The following RPS6KA5 variants were observed in gnomAD, a reference collection of about 807,000 sequenced individuals.
The protein encoded by RPS6KA5 is ribosomal protein S6 kinase alpha-5.
In RPS6KA5, 27 loss-of-function variants were observed where a neutral mutation model predicts 85.5. The ratio of observed to expected loss-of-function variants is 0.32; its 90% confidence interval spans 0.23 to 0.44. The LOEUF (loss-of-function observed/expected upper bound fraction) is 0.44. Among genes scored for constraint, RPS6KA5 ranks in the 20% least tolerant of loss-of-function variants. The probability of loss-of-function intolerance (pLI) is 1.00; values close to 1 mark genes in which losing one functional copy is unlikely to be tolerated. For missense variants in RPS6KA5, 811 were observed against 980.9 expected (o/e 0.83, Z 2.31); for synonymous variants, 334 against 348.2 (o/e 0.96, Z 0.46).
intron 1 of RPS6KA5, among the ~76,000 whole-genome samples, chr14:91,045,350 T>C (rs1055872535): frequency 6.6e-6 from 1 of 151,240 alleles, no homozygotes; most frequent in African/African-American, 2.4e-5. Flanking sequence ...CTGCAACCTC[T>C]GTGTCCCAGG....
intron 3 of RPS6KA5, among the ~76,000 whole-genome samples, chr14:90,967,088 C>A (rs1156537169): frequency 6.6e-6 from 1 of 152,180 alleles, no homozygotes; most frequent in East Asian, 1.9e-4. Flanking sequence ...AGCTGTCAGG[C>A]AAATTTCATT....
Position 90,984,932 on chromosome 14 carries a change from G to A in RPS6KA5, c.176-6408C>T, listed in dbSNP as rs145443257. ...TTGAATTTATTAAACATGTTCATAAGTAGCCTTTAATCTTTTTTTTTTTTT... is the reference window on the plus strand; with the variant it reads ...TTGAATTTATTAAACATGTTCATAAATAGCCTTTAATCTTTTTTTTTTTTT... On this transcript the variant is annotated intron_variant, in intron 2 of 16. Transcript: ENST00000614987. Among the ~76,000 whole-genome samples the A allele has an allele frequency of 4.0e-4, 61 of 152,000 alleles. No individual in the cohort carries two copies. In the East Asian group the frequency reaches 0.01, roughly 25 times the overall value.
chr14:91,041,144 T>C (rs754476490), intron 1 of RPS6KA5, among the ~76,000 whole-genome samples: 8 of 152,106 alleles, frequency 5.3e-5, no homozygotes, highest in Non-Finnish European at 1.2e-4. Flanking sequence ...GAGAACAACA[T>C]GGAGTAAAGT....
intron 1 of RPS6KA5, among the ~76,000 whole-genome samples, chr14:91,017,827 T>A (rs2041569553): frequency 6.6e-6 from 1 of 152,132 alleles, no homozygotes; most frequent in African/African-American, 2.4e-5. Context: ...CAACAATGAT[T>A]CCACTGAACT....
At position 90,852,013 on chromosome 14, in the gene RPS6KA5, C is replaced by G. The variant is rs925303220; in HGVS notation, c.*20061G>C. 6.6e-6 allele frequency: 1 copy of G among 150,820 alleles called. No homozygotes were observed. Among genetic ancestry groups the G allele is most frequent in the African/African-American group, 2.4e-5 (1 of 41,056 alleles). The allele number at this position is 150,820 out of a possible 1,614,324, so 9.3% of individuals were successfully genotyped here. On this transcript the variant is annotated 3_prime_UTR_variant, in exon 17 of 17. Transcript: ENST00000614987. ...TAAACAGTATTATTCAGTAATAGTC[C>G]TAGTATATAAAAACGTGGCATTCAT... is the stretch of plus-strand genomic sequence containing the variant.
In RPS6KA5 at chr14:90,850,463, C is replaced by CAAAAA. The variant is rs5810522; in HGVS notation, c.*21606_*21610dup. On this transcript the variant is annotated 3_prime_UTR_variant, in exon 17 of 17. Transcript: ENST00000614987. Reference sequence around the variant, plus strand: ...AACCTAATCAATGTGGGAAACCATACAAAAAAAAAAAAAAAAAACAGAAAA... The same window carrying CAAAAA: ...AACCTAATCAATGTGGGAAACCATACAAAAAAAAAAAAAAAAAAAAAAACAGAAAA... 7.8e-5 allele frequency: 10 copies of CAAAAA among 129,032 alleles called. No individual in the cohort carries two copies. Among genetic ancestry groups the CAAAAA allele is most frequent in the East Asian group, 2.4e-4 (1 of 4,242 alleles). The allele number at this position is 129,032 out of a possible 1,614,324, so 8.0% of individuals were successfully genotyped here.
chr14:90,872,446 A>C, intron 16 of RPS6KA5, 124 bp from the exon 17 acceptor site: 1 of 1,241,188 alleles, frequency 8.1e-7, no homozygotes, highest in East Asian at 2.5e-5. Flanking sequence ...TTTTAAGGGA[A>C]CAAAGCTCTT....
In RPS6KA5 at chr14:90,868,159, T is replaced by C. The variant is rs1193289184; in HGVS notation, c.*3915A>G. ...ACAAAACAGGGAATAAAACCTTTAA[T>C]GTTGGCTGTAGCAGTTATTTTCTTT... On this transcript the variant is annotated 3_prime_UTR_variant, in exon 17 of 17. Transcript: ENST00000614987. 1 of 152,232 alleles carries C rather than the reference T, an allele frequency of 6.6e-6. No individual in the cohort carries two copies. Among genetic ancestry groups the C allele is most frequent in the Non-Finnish European group, 1.5e-5 (1 of 68,036 alleles). The allele number at this position is 152,232 out of a possible 1,614,324, so 9.4% of individuals were successfully genotyped here. A position where few individuals can be genotyped will look rare whatever the true frequency, so the allele number is the denominator to read the frequency against.
intron 3 of RPS6KA5, among the ~76,000 whole-genome samples, chr14:90,954,252 C>T (rs1472419298): frequency 6.6e-6 from 1 of 152,204 alleles, no homozygotes; most frequent in Non-Finnish European, 1.5e-5. Flanking sequence ...TTGGTATTGG[C>T]ATAATACTGG....
At chr14:90,967,161 G>A (rs937728457) in intron 3 of RPS6KA5, among the ~76,000 whole-genome samples, 1 of 152,078 alleles carries the variant, frequency 6.6e-6, no homozygotes, top group African/African-American at 2.4e-5. Flanking sequence ...CCATACAATG[G>A]AATACCTTAT....
At chr14:90,912,374 T>G (rs963041123) in intron 7 of RPS6KA5, among the ~76,000 whole-genome samples, 2 of 152,174 alleles carry the variant, frequency 1.3e-5, no homozygotes, top group African/African-American at 4.8e-5. Context: ...AACAGCAGCA[T>G]GGAAACAAGT....
intron 5 of RPS6KA5, among the ~76,000 whole-genome samples, chr14:90,941,219 T>TA (rs752579399): frequency 3.2e-4 from 48 of 152,140 alleles, no homozygotes; most frequent in Non-Finnish European, 6.3e-4. Context: ...GTCACAAAAC[T>TA]ATTTTTTTTA....
chr14:91,056,863 TTA>T (rs1163820922), intron 1 of RPS6KA5, among the ~76,000 whole-genome samples: 2 of 142,552 alleles, frequency 1.4e-5, no homozygotes, highest in African/African-American at 5.2e-5. Context: ...TAAGGCAGTA[TTA>T]TCTTTTTTTT....
intron 3 of RPS6KA5, among the ~76,000 whole-genome samples, chr14:90,975,933 GT>G (rs2039545419): frequency 6.6e-6 from 1 of 152,170 alleles, no homozygotes; most frequent in Non-Finnish European, 1.5e-5. Flanking sequence ...GAATGAATAT[GT>G]TGTCCAGTTC....
Position 91,060,469 on chromosome 14 carries a change from G to C in RPS6KA5, c.-35C>G, listed in dbSNP as rs201279993. On this transcript the variant is annotated 5_prime_UTR_variant, in exon 1 of 17. Coordinates refer to ENST00000614987, the MANE Select transcript of RPS6KA5 (RefSeq NM_004755.4). ...TTTTTCCGATCCCGCGGGTCGCTAC[G>C]AGGGGAACCCAGGAGACAGCGGACG... The C allele has an allele frequency of 2.2e-6, 3 of 1,392,090 alleles. No homozygotes were observed. The highest frequency in any genetic ancestry group is 1.9e-4 in the Middle Eastern group (1 of 5,204). The allele number at this position is 1,392,090 out of a possible 1,614,324, so 86.2% of individuals were successfully genotyped here. A position where few individuals can be genotyped will look rare whatever the true frequency, so the allele number is the denominator to read the frequency against.
Position 90,851,245 on chromosome 14 carries a change from A to C in RPS6KA5, c.*20829T>G, listed in dbSNP as rs972018716. ...AGTAGAGACGGGGTTTCACCGTGTT[A>C]GCCAGGATGGTCTTGATCTCCTGAC... On this transcript the variant is annotated 3_prime_UTR_variant, in exon 17 of 17. Coordinates refer to ENST00000614987, the MANE Select transcript of RPS6KA5 (RefSeq NM_004755.4). The C allele has an allele frequency of 2.0e-5, 3 of 152,208 alleles. No individual in the cohort carries two copies. The East Asian group carries it at 5.8e-4, about 29-fold the overall frequency. 9.4% of individuals were successfully genotyped at this position (152,208 alleles called of 1,614,324 possible).
intron 1 of RPS6KA5, among the ~76,000 whole-genome samples, chr14:91,042,293 G>A (rs917263561): frequency 3.3e-5 from 5 of 152,150 alleles, no homozygotes; most frequent in Admixed American, 1.3e-4. Flanking sequence ...GGTGGATCAC[G>A]AGGTCAGGAG....
At chr14:90,973,198 T>C (rs1013607978) in intron 3 of RPS6KA5, among the ~76,000 whole-genome samples, 3 of 152,160 alleles carry the variant, frequency 2.0e-5, no homozygotes, top group African/African-American at 7.2e-5. Flanking sequence ...CCCAGCACTT[T>C]TGGAGGCCGA....
At chr14:90,963,468 A>G (rs2038908059) in intron 3 of RPS6KA5, among the ~76,000 whole-genome samples, 2 of 152,268 alleles carry the variant, frequency 1.3e-5, no homozygotes, top group East Asian at 3.9e-4. Flanking sequence ...TCACCCACTC[A>G]TTTTAGCATC....
Sources: gnomAD v4.1 joint callset for allele counts (sites outside exome capture counted in the v4.1 genomes callset) on GRCh38, gnomAD v4.1.1 for gene constraint, MANE v1.5 for transcripts, NCBI Gene and HGNC (gene_info 2026-07-23, HGNC 2026-07-21) for gene names.